SLC9A4: variants seen among roughly 807,000 people sequenced by gnomAD.
SLC9A4 encodes the protein solute carrier family 9 member A4.
Under a neutral mutation model 67.4 loss-of-function variants are expected in SLC9A4, and 63 were observed. The observed-to-expected ratio is 0.93, with a 90% confidence interval of 0.76 to 1.15. The LOEUF is 1.15. SLC9A4 is among the 50% of genes most tolerant of loss of function. SLC9A4 has a pLI of 0.00. For synonymous variants in SLC9A4, 393 were observed against 367.2 expected (o/e 1.07, Z -0.80); for missense variants, 1,089 against 987.7 (o/e 1.10, Z -1.38).
chr2:102,518,859 G>GAAAC (rs535926347), intron 8 of SLC9A4, among the ~76,000 whole-genome samples: 32 of 152,156 alleles, frequency 2.1e-4, no homozygotes, highest in East Asian at 5.8e-4. Flanking sequence ...GCTGAGGCTA[G>GAAAC]AAACAAACAA....
intron 2 of SLC9A4, among the ~76,000 whole-genome samples, chr2:102,492,596 CA>C (rs928703212): frequency 1.4e-5 from 2 of 143,604 alleles, no homozygotes; most frequent in Non-Finnish European, 3.0e-5. Context: ...CTGCATAGAG[CA>C]GGGGGGCCCT....
chr2:102,530,038 G>A lies in SLC9A4; in HGVS notation c.2039-2292G>A, dbSNP rs115375555. The stretch of plus-strand genomic sequence containing the variant: ...ACACGACAATGTGAATGCACTTCAT[G>A]CAATGAACTGTACACTTATTTATAG... On this transcript the variant is annotated intron_variant, in intron 11 of 11. Coordinates refer to ENST00000295269, the MANE Select transcript of SLC9A4 (RefSeq NM_001011552.4). Among the ~76,000 whole-genome samples, 729 of 152,314 alleles carry A rather than the reference G, an allele frequency of 4.8e-3. 12 individuals carry two copies. Among genetic ancestry groups the A allele is most frequent in the African/African-American group, 0.017 (695 of 41,560 alleles).
intron 8 of SLC9A4, among the ~76,000 whole-genome samples, chr2:102,518,472 A>G (rs1685324185): frequency 6.6e-6 from 1 of 152,204 alleles, no homozygotes; most frequent in African/African-American, 2.4e-5. Context: ...AAATGCCCTG[A>G]TAATAATGTT....
chr2:102,528,305 G>A (rs1385926044), intron 11 of SLC9A4, among the ~76,000 whole-genome samples: 1 of 152,104 alleles, frequency 6.6e-6, no homozygotes, highest in African/African-American at 2.4e-5. Context: ...ACCGAGTCTG[G>A]TCGATAGTTT....
chr2:102,498,512 G>T (rs1024306254), intron 2 of SLC9A4, among the ~76,000 whole-genome samples: 3 of 152,192 alleles, frequency 2.0e-5, no homozygotes. Flanking sequence ...CTTTGGATTT[G>T]AGAGTCAAAT....
At chr2:102,509,155 C>G (rs1685107644) in intron 6 of SLC9A4, among the ~76,000 whole-genome samples, 1 of 152,176 alleles carries the variant, frequency 6.6e-6, no homozygotes. Flanking sequence ...AGTTCAAAAT[C>G]CAGTTGTTGC....
intron 2 of SLC9A4, among the ~76,000 whole-genome samples, chr2:102,493,352 A>G (rs903077083): frequency 3.3e-5 from 5 of 151,908 alleles, no homozygotes; most frequent in African/African-American, 1.2e-4. Flanking sequence ...AGACTGGGTA[A>G]TTTATAAAGG....
At chr2:102,522,177 C>T (rs1252622906) in intron 9 of SLC9A4, among the ~76,000 whole-genome samples, 1 of 152,198 alleles carries the variant, frequency 6.6e-6, no homozygotes, top group Non-Finnish European at 1.5e-5. Flanking sequence ...GGATAGGTCA[C>T]AGATTGATGG....
At chr2:102,490,987 C>T (rs906163145) in intron 2 of SLC9A4, among the ~76,000 whole-genome samples, 1 of 152,162 alleles carries the variant, frequency 6.6e-6, no homozygotes, top group African/African-American at 2.4e-5. Flanking sequence ...GAGGGTCTCA[C>T]CTCAGCAAGC....
chr2:102,483,136 G>C (rs1684502667), intron 2 of SLC9A4, among the ~76,000 whole-genome samples: 1 of 152,196 alleles, frequency 6.6e-6, no homozygotes, highest in African/African-American at 2.4e-5. Flanking sequence ...ATCTGCTGAG[G>C]ACACTGCTGT....
intron 2 of SLC9A4, among the ~76,000 whole-genome samples, chr2:102,491,516 G>A (rs541768548): frequency 6.6e-6 from 1 of 151,844 alleles, no homozygotes; most frequent in Admixed American, 6.6e-5. Flanking sequence ...ATGTACAGGG[G>A]AACTGCCATT....
At chr2:102,531,702 CA>C (rs1377883365) in intron 11 of SLC9A4, among the ~76,000 whole-genome samples, 1 of 152,160 alleles carries the variant, frequency 6.6e-6, no homozygotes, top group Non-Finnish European at 1.5e-5. Context: ...AAAGGATTAG[CA>C]CAGTGACAGG....
At chr2:102,520,532 T>C (rs941204060) in intron 9 of SLC9A4, among the ~76,000 whole-genome samples, 152 of 152,344 alleles carry the variant, frequency 1.0e-3, no homozygotes, top group African/African-American at 3.3e-3. Flanking sequence ...TCTGAAACTT[T>C]GACTTAGTTA....
intron 11 of SLC9A4, 87 bp downstream of exon 11, chr2:102,526,433 G>A: frequency 1.6e-6 from 2 of 1,238,566 alleles, no homozygotes; most frequent in Non-Finnish European, 2.4e-6. Context: ...GCAACATTAA[G>A]AACATTATGT....
At chr2:102,508,650 A>C (rs1013592469) in intron 5 of SLC9A4, among the ~76,000 whole-genome samples, 197 bp from the exon 6 acceptor site, 17 of 152,230 alleles carry the variant, frequency 1.1e-4, no homozygotes, top group Admixed American at 3.3e-4. Context: ...CTATATTAAC[A>C]TACAGGCATG....
chr2:102,526,006 G>A (rs917055594), intron 10 of SLC9A4, among the ~76,000 whole-genome samples: 5 of 152,230 alleles, frequency 3.3e-5, no homozygotes, highest in African/African-American at 1.2e-4. Context: ...TCCTGCCTCA[G>A]CCTCCTGAGT....
intron 1 of SLC9A4, among the ~76,000 whole-genome samples, chr2:102,475,936 T>G (rs892520854): frequency 7.9e-5 from 12 of 152,230 alleles, no homozygotes; most frequent in Non-Finnish European, 1.8e-4. Flanking sequence ...AGAATAAAAT[T>G]AATAATCATT....
chr2:102,486,305 A>C (rs978682458), intron 2 of SLC9A4, among the ~76,000 whole-genome samples: 5 of 152,178 alleles, frequency 3.3e-5, no homozygotes, highest in Non-Finnish European at 5.9e-5. Context: ...CACGTAATGC[A>C]TTCAAAATAG....
chr2:102,527,478 A>G (rs959822476), intron 11 of SLC9A4, among the ~76,000 whole-genome samples: 1 of 152,194 alleles, frequency 6.6e-6, no homozygotes, highest in Non-Finnish European at 1.5e-5. Context: ...CTAATTAATA[A>G]ATACTTAAGG....
Sources: gnomAD v4.1 joint callset for allele counts (sites outside exome capture counted in the v4.1 genomes callset) on GRCh38, gnomAD v4.1.1 for gene constraint, MANE v1.5 for transcripts, NCBI Gene and HGNC (gene_info 2026-07-23, HGNC 2026-07-21) for gene names.